Variants in IL9R observed in about 807,000 individuals in gnomAD.
The protein encoded by IL9R is interleukin 9 receptor.
In IL9R, 54 loss-of-function variants were observed where a neutral mutation model predicts 56.3. The observed-to-expected ratio is 0.96, with a 90% CI of 0.77 to 1.20. IL9R has a LOEUF of 1.20. Among genes scored for constraint, IL9R ranks in the 50% most tolerant of loss-of-function variants. The probability of loss-of-function intolerance (pLI) is 0.00; values close to 1 mark genes in which losing one functional copy is unlikely to be tolerated. For synonymous variants in IL9R, 212 were observed against 250.2 expected (o/e 0.85, Z 1.44); for missense variants, 545 against 629.8 (o/e 0.87, Z 1.44).
intron 1 of IL9R, among the ~76,000 whole-genome samples, chrX:156,002,499 T>C (rs769262541): frequency 3.3e-5 from 5 of 152,088 alleles, no homozygotes; most frequent in Admixed American, 3.3e-4. Context: ...CCTATGGTGG[T>C]TGTTGGTAGT....
chrX:155,999,771 T>C lies in IL9R; in HGVS notation c.28+1984T>C, dbSNP rs3093469. Among the ~76,000 whole-genome samples the C allele has an allele frequency of 5.4e-3, 829 of 152,260 alleles. 8 individuals carry two copies. The highest frequency in any genetic ancestry group is 0.019 in the African/African-American group (799 of 41,534). On this transcript the variant is annotated intron_variant, in intron 1 of 8. Transcript: ENST00000244174. ...AGGTGTCCACTTCAATAGTAACTTC[T>C]GAGGCTGCCAGCCTCCTGAATGGTC... is the stretch of plus-strand genomic sequence containing the variant.
At chrX:155,997,922 C>T in intron 1 of IL9R, 135 bp downstream of exon 1, 2 of 806,324 alleles carry the variant, frequency 2.5e-6, no homozygotes, top group Non-Finnish European at 4.2e-6. Flanking sequence ...AGCTTTACCT[C>T]CTCTGGTGTC....
At chrX:156,009,385 TTGTGTGTGTGTGTGTCTC>T (rs1211158831) in intron 8 of IL9R, among the ~76,000 whole-genome samples, 47 of 139,556 alleles carry the variant, frequency 3.4e-4, no homozygotes, top group African/African-American at 1.3e-3. Context: ...CTGTGTGTGT[TTGTGTGTGTGTGTGTCTC>T]TGTGTGTGTG....
intron 7 of IL9R, among the ~76,000 whole-genome samples, chrX:156,007,137 T>C (rs2068025976): frequency 6.9e-6 from 1 of 145,952 alleles, no homozygotes; most frequent in African/African-American, 2.5e-5. Flanking sequence ...AGTGGATCCT[T>C]GGCAGCAAGT....
In IL9R at chrX:156,005,590, G is replaced by T. The variant is rs943270611; in HGVS notation, c.781+111G>T. On this transcript the variant is annotated intron_variant, in intron 6 of 8. Transcript: ENST00000244174. ...ACCCTCCTGTAAGCCCCTCCCCGAGGCAGCCATGCCTCAGTTGACCCCCTT... is the reference window on the plus strand; with the variant it reads ...ACCCTCCTGTAAGCCCCTCCCCGAGTCAGCCATGCCTCAGTTGACCCCCTT... 2.5e-5 allele frequency: 22 copies of T among 896,546 alleles called. No individual in the cohort carries two copies. The African/African-American group carries it at 2.5e-4, about 10-fold the overall frequency. 55.5% of individuals were successfully genotyped at this position (896,546 alleles called of 1,614,324 possible). A position where few individuals can be genotyped will look rare whatever the true frequency, so the allele number is the denominator to read the frequency against.
In IL9R at chrX:156,006,208, G is replaced by A. The variant is rs751273559; in HGVS notation, c.887+20G>A. On this transcript the variant is annotated intron_variant, in intron 7 of 8. Transcript: ENST00000244174. ...GCCCAGGTAGGTGGCTGATGTGTGC[G>A]TGTGTGTACATGTGTGAGCGGGCAA... 6.0e-5 allele frequency: 53 copies of A among 881,632 alleles called. No homozygotes were observed. Among genetic ancestry groups the A allele is most frequent in the Non-Finnish European group, 7.3e-5 (39 of 534,088 alleles). 54.6% of individuals were successfully genotyped at this position (881,632 alleles called of 1,614,324 possible).
chrX:156,003,721 G>C lies in IL9R; in HGVS notation c.299G>C (p.Ser100Thr), dbSNP rs3747328. 1,805 of 1,613,828 alleles carry C rather than the reference G, an allele frequency of 1.1e-3. 53 individuals carry two copies. The East Asian group carries it at 0.04, about 36-fold the overall frequency. The change falls in exon 4 of 9, where the codon AGT becomes ACT. Residue 100 changes from serine (S) to threonine (T), a missense_variant. This residue lies in a region of IL9R where 431 missense variants were observed against 360.0 expected (regional missense o/e 1.20). Coordinates refer to ENST00000244174, the MANE Select transcript of IL9R (RefSeq NM_002186.3). ...ACACATAAGTGCATCTTGCGGGGCA[G>C]TGAGTGCACCGTCGTGCTGCCACCT... ...GGTHKCILRG[S>T]ECTVVLPPEA...
chrX:156,004,490 C>T lies in IL9R; in HGVS notation c.504C>T (p.Ile168=). 1 of 1,613,782 alleles carries T rather than the reference C, an allele frequency of 6.2e-7. No individual in the cohort carries two copies. Among genetic ancestry groups the T allele is most frequent in the Non-Finnish European group, 8.5e-7 (1 of 1,179,828 alleles). ...SSGHCILTWS[I]SPALEPMTTL... ...GCCACTGCATCCTGACCTGGAGCAT[C>T]AGTCCTGCCTTGGAGCCAATGACCA... is the stretch of plus-strand genomic sequence containing the variant. Residue 168 remains isoleucine (I), a synonymous_variant, in exon 5 of 9, where the codon ATC becomes ATT. Coordinates refer to ENST00000244174, the MANE Select transcript of IL9R (RefSeq NM_002186.3).
Position 156,002,957 on chromosome X carries a change from T to G in IL9R, c.80T>G (p.Leu27Arg). The change falls in exon 2 of 9, where the codon CTG becomes CGG. Residue 27 changes from leucine (L) to arginine (R), a missense_variant. Physicochemically the swap from Leu to Arg is moderately radical, Grantham distance 102. This residue lies in a region of IL9R where 431 missense variants were observed against 360.0 expected (regional missense o/e 1.20). Transcript: ENST00000244174. ...ALRRDMGTWL[L>R]ACICICTCVC... ...AGGCGAGACATGGGCACCTGGCTCC[T>G]GGCCTGCATCTGCATCTGCACCTGT... 6.2e-7 allele frequency: 1 copy of G among 1,613,932 alleles called. No individual in the cohort carries two copies. The highest frequency in any genetic ancestry group is 8.5e-7 in the Non-Finnish European group (1 of 1,179,860).
chrX:156,009,061 T>TTG (rs1382847096), intron 8 of IL9R, among the ~76,000 whole-genome samples: 3 of 121,908 alleles, frequency 2.5e-5, no homozygotes, highest in Admixed American at 2.4e-4. Context: ...CTGTGTGTGT[T>TTG]TGTGTGTGTG....
At chrX:156,004,068 A>T (rs2067736928) in intron 4 of IL9R, 1 of 612,716 alleles carries the variant, frequency 1.6e-6, no homozygotes, top group African/African-American at 1.9e-5. Flanking sequence ...GGAAATAAAC[A>T]TGCACGGCTG....
intron 1 of IL9R, among the ~76,000 whole-genome samples, chrX:156,001,714 T>G (rs1200485923): frequency 6.6e-6 from 1 of 152,106 alleles, no homozygotes; most frequent in East Asian, 1.9e-4. Context: ...TGGCCCTGCT[T>G]CCTGCCTAGG....
At chrX:156,003,299 C>T (rs1201386799) in intron 2 of IL9R, 150 bp from the exon 3 acceptor site, 1 of 697,370 alleles carries the variant, frequency 1.4e-6, no homozygotes, top group African/African-American at 1.8e-5. Flanking sequence ...CATCACTTCC[C>T]AGGCCTCCCA....
chrX:155,999,219 C>G (rs1392953100), intron 1 of IL9R, among the ~76,000 whole-genome samples: 1 of 152,036 alleles, frequency 6.6e-6, no homozygotes, highest in African/African-American at 2.4e-5. Flanking sequence ...CTGTACTTCT[C>G]CCACCCACCC....
rs6642401 is a variant in IL9R, at chrX:155,997,799, C to T, written c.28+12C>T. On this transcript the variant is annotated intron_variant, in intron 1 of 8. Transcript: ENST00000244174. The stretch of plus-strand genomic sequence containing the variant: ...ATGCATCTGGGAAGGTGAGTCTGTG[C>T]TTTGGGCTTCCCAACCTCTCAAGTC... The T allele has an allele frequency of 0.014, 23,256 of 1,611,966 alleles. 1,153 individuals are homozygous for T. In the East Asian group the frequency reaches 0.2, roughly 14 times the overall value.
chrX:156,004,613 C>A, intron 5 of IL9R, 48 bp downstream of exon 5: 1 of 1,591,026 alleles, frequency 6.3e-7, no homozygotes, highest in South Asian at 1.1e-5. Flanking sequence ...CTGGGAACAG[C>A]AGTCCAGGGT....
At chrX:156,006,344 C>T (rs2067952649) in intron 7 of IL9R, among the ~76,000 whole-genome samples, 156 bp downstream of exon 7, 1 of 149,898 alleles carries the variant, frequency 6.7e-6, no homozygotes, top group African/African-American at 2.5e-5. Flanking sequence ...CTCCCCTCTC[C>T]ACTGCCTGGT....
intron 1 of IL9R, among the ~76,000 whole-genome samples, chrX:155,998,829 T>C (rs936531661): frequency 6.6e-6 from 1 of 151,980 alleles, no homozygotes; most frequent in Non-Finnish European, 1.5e-5. Flanking sequence ...CGCACAGTGA[T>C]GACCTTCAAC....
intron 8 of IL9R, among the ~76,000 whole-genome samples, chrX:156,009,296 TTA>T (rs2068307484): frequency 1.8e-5 from 2 of 109,866 alleles, no homozygotes. Context: ...GTGTGTGTGT[TTA>T]TGTGTGTGTG....
Sources: allele counts gnomAD v4.1 joint callset (sites outside exome capture counted in the v4.1 genomes callset), GRCh38; gene constraint gnomAD v4.1.1; regional missense constraint gnomAD v4.1.1; transcripts MANE v1.5; gene names NCBI Gene and HGNC (gene_info 2026-07-23, HGNC 2026-07-21).